SETD1A: variants seen among roughly 807,000 people sequenced by gnomAD.
The protein encoded by SETD1A is histone-lysine N-methyltransferase SETD1A.
Under a neutral mutation model 149.9 loss-of-function variants are expected in SETD1A, and 29 were observed. The observed-to-expected ratio is 0.19, with a 90% CI of 0.14 to 0.26. SETD1A has a LOEUF of 0.26. SETD1A is among the 10% of genes least tolerant of loss of function. SETD1A has a pLI of 1.00. For synonymous variants in SETD1A, 1,141 were observed against 968.5 expected, an observed-to-expected ratio of 1.18 and a Z score of -3.31; for missense variants, 2,109 against 2,353.1, an observed-to-expected ratio of 0.90 and a Z score of 2.15.
chr16:30,977,223 C>T (rs1177490675), intron 13 of SETD1A, among the ~76,000 whole-genome samples: 9 of 152,198 alleles, frequency 5.9e-5, no homozygotes, highest in African/African-American at 1.7e-4. Context: ...GGATTACAGG[C>T]GTGAGCCCCC....
Position 30,983,663 on chromosome 16 carries a change from A to C in SETD1A, c.4841A>C (p.Tyr1614Ser). 6.2e-7 allele frequency: 1 copy of C among 1,613,736 alleles called. No homozygotes were observed. The highest frequency in any genetic ancestry group is 8.5e-7 in the Non-Finnish European group (1 of 1,179,952). The stretch of plus-strand genomic sequence containing the variant: ...GTGGCCGACATGCGGGAGAAGCGCT[A>C]CGTGCAGGAGGGCATTGGCAGCAGC... ...QMVADMREKR[Y>S]VQEGIGSSYL... Residue 1614 changes from tyrosine to serine, a missense_variant, in exon 18 of 19, where the codon TAC (tyrosine) becomes TCC (serine). Physicochemically the swap from Tyr to Ser is moderately radical, Grantham distance 144. Coordinates refer to ENST00000262519, the MANE Select transcript of SETD1A (RefSeq NM_014712.3). The surrounding 1 kb of genome is among the most constrained non-coding windows in gnomAD (Gnocchi z 6.8).
In SETD1A at chr16:30,979,726, G is replaced by A; in HGVS notation, c.3940G>A (p.Ala1314Thr). Residue 1314 changes from alanine (A) to threonine (T), a missense_variant, in exon 14 of 19, where the codon GCC becomes ACC. Ala to Thr is a moderately conservative substitution (Grantham distance 58, BLOSUM62 0). This residue lies in a region of SETD1A where 832 missense variants were observed against 815.6 expected (regional missense o/e 1.02). Coordinates refer to ENST00000262519, the MANE Select transcript of SETD1A (RefSeq NM_014712.3). The stretch of plus-strand genomic sequence containing the variant: ...CGTCAAGCCCACGCCCCCTGCGCCA[G>A]CCCTGCGGCCCCCGGAGCCAGTGCC... ...LAVKPTPPAP[A>T]LRPPEPVPAP... 6.2e-7 allele frequency: 1 copy of A among 1,600,032 alleles called. No individual in the cohort carries two copies. Among genetic ancestry groups the A allele is most frequent in the Non-Finnish European group, 8.5e-7 (1 of 1,178,552 alleles).
rs367681295 is a variant in SETD1A at position 30,964,717 on chromosome 16, G to A, written c.975G>A (p.Thr325=). 132 of 1,613,960 alleles carry A rather than the reference G, an allele frequency of 8.2e-5. No homozygotes were observed. The highest frequency in any genetic ancestry group is 1.1e-4 in the Non-Finnish European group (127 of 1,180,014). Residue 325 remains threonine, a synonymous_variant, in exon 7 of 19, where the codon ACG becomes ACA. Transcript: ENST00000262519. The part of the protein sequence containing the change: ...SASSASTTAS[T]AIAATTAATA... The stretch of plus-strand genomic sequence containing the variant: ...CTTCAGCCTCCACAACCGCCTCCAC[G>A]GCCATCGCCGCCACCACTGCAGCCA...
intron 17 of SETD1A, among the ~76,000 whole-genome samples, chr16:30,982,997 A>T (rs2056401232): frequency 6.6e-6 from 1 of 152,130 alleles, no homozygotes; most frequent in Non-Finnish European, 1.5e-5. Flanking sequence ...CATCTAGGGG[A>T]TGACGCCCAG....
chr16:30,963,375 G>C, intron 4 of SETD1A, 58 bp from the exon 5 acceptor site: 1 of 1,493,342 alleles, frequency 6.7e-7, no homozygotes, highest in Non-Finnish European at 9.0e-7. Flanking sequence ...AGGAATACCA[G>C]ATCAGGAAGG....
chr16:30,962,982 G>T (rs1474657417), intron 4 of SETD1A, among the ~76,000 whole-genome samples: 1 of 152,288 alleles, frequency 6.6e-6, no homozygotes. Context: ...TGTTTCTGAG[G>T]TGTTCACTCC....
Position 30,983,777 on chromosome 16 carries a change from G to A in SETD1A, c.4950+5G>A, listed in dbSNP as rs767522721. 2 of 1,613,738 alleles carry A rather than the reference G, an allele frequency of 1.2e-6. No homozygotes were observed. The highest frequency in any genetic ancestry group is 1.1e-5 in the South Asian group (1 of 91,066). Reference sequence around the variant, plus strand: ...TTCATCAACCACTGCTGCACGGTGCGCCAGGGGCCAGCCGGGGCAGGAGTT... The same window carrying A: ...TTCATCAACCACTGCTGCACGGTGCACCAGGGGCCAGCCGGGGCAGGAGTT... On this transcript the variant is annotated splice_donor_5th_base_variant and intron_variant, in intron 18 of 18. Transcript: ENST00000262519. This position sits in a 1 kb window ranked among gnomAD's most constrained non-coding sequence, Gnocchi z 6.8.
intron 13 of SETD1A, among the ~76,000 whole-genome samples, chr16:30,974,735 A>G (rs900486622): frequency 7.2e-5 from 11 of 152,282 alleles, no homozygotes; most frequent in African/African-American, 2.6e-4. Context: ...GGCCGGGCGC[A>G]GTGGCTCACA....
At position 30,959,144 on chromosome 16, in the gene SETD1A, G is replaced by T; in HGVS notation, c.204G>T (p.Arg68Ser). ...EDLQDPRCHVRSKNRDFSLPV... is the reference protein window; with the variant it reads ...EDLQDPRCHVSSKNRDFSLPV... Reference sequence around the variant, plus strand: ...TCCAAGACCCCCGTTGCCATGTCAGGTCCAAAAACAGAGACTTTTCCCTCC... The same window carrying T: ...TCCAAGACCCCCGTTGCCATGTCAGTTCCAAAAACAGAGACTTTTCCCTCC... The change falls in exon 3 of 19, where the codon AGG (arginine) becomes AGT (serine). Residue 68 changes from arginine to serine, a missense_variant. By Grantham distance (110) the Arg-to-Ser change is moderately radical. Coordinates refer to ENST00000262519, the MANE Select transcript of SETD1A (RefSeq NM_014712.3). The T allele has an allele frequency of 6.2e-7, 1 of 1,613,920 alleles. No individual in the cohort carries two copies. Among genetic ancestry groups the T allele is most frequent in the Non-Finnish European group, 8.5e-7 (1 of 1,179,816 alleles).
Position 30,979,435 on chromosome 16 carries a change from C to T in SETD1A, c.3649C>T (p.Leu1217=), listed in dbSNP as rs756125449. 6.2e-7 allele frequency: 1 copy of T among 1,608,572 alleles called. No homozygotes were observed. The highest frequency in any genetic ancestry group is 1.7e-5 in the Admixed American group (1 of 59,080). Residue 1217 remains leucine (L), a synonymous_variant, in exon 14 of 19, where the codon CTG becomes TTG. Coordinates refer to ENST00000262519, the MANE Select transcript of SETD1A (RefSeq NM_014712.3). ...IRNLPLDHAS[L]VKSWPEEVSR... is the part of the protein sequence containing the mutation. ...CAACCTGCCCCTGGACCACGCATCT[C>T]TGGTCAAGAGTTGGCCCGAGGAGGT...
In SETD1A at chr16:30,979,516, G is replaced by A. The variant is rs1224279071; in HGVS notation, c.3730G>A (p.Glu1244Lys). The change falls in exon 14 of 19, where the codon GAG (glutamate) becomes AAG (lysine). Residue 1244 changes from glutamate to lysine, a missense_variant. By Grantham distance (56) the Glu-to-Lys change is moderately conservative. Coordinates refer to ENST00000262519, the MANE Select transcript of SETD1A (RefSeq NM_014712.3). ...GGRGRLTEEE[E>K]AEPGTEVDLA... ...CCGAGGCCGCCTCACCGAGGAAGAGGAGGCTGAGCCAGGGACAGAGGTGGA... is the reference window on the plus strand; with the variant it reads ...CCGAGGCCGCCTCACCGAGGAAGAGAAGGCTGAGCCAGGGACAGAGGTGGA... 1.9e-6 allele frequency: 3 copies of A among 1,607,164 alleles called. No homozygotes were observed. Among genetic ancestry groups the A allele is most frequent in the South Asian group, 2.2e-5 (2 of 90,528 alleles).
chr16:30,960,919 T>G (rs973070362), intron 3 of SETD1A, among the ~76,000 whole-genome samples: 2 of 151,746 alleles, frequency 1.3e-5, no homozygotes, highest in Non-Finnish European at 2.9e-5. Context: ...TTTTTTGTAT[T>G]TTTAGTAGAG....
chr16:30,979,087 G>T, intron 13 of SETD1A, 58 bp from the exon 14 acceptor site: 1 of 1,476,612 alleles, frequency 6.8e-7, no homozygotes, highest in Non-Finnish European at 9.0e-7. Context: ...TGGGCGGCCA[G>T]GGTGGCTGAG....
chr16:30,968,275 C>T (rs2056175314), intron 10 of SETD1A, among the ~76,000 whole-genome samples: 2 of 151,882 alleles, frequency 1.3e-5, no homozygotes, highest in Admixed American at 1.3e-4. Context: ...TGGTGGTGTT[C>T]ACCTGTAATC....
At chr16:30,968,469 TAC>T (rs1316752085) in intron 10 of SETD1A, among the ~76,000 whole-genome samples, 1 of 149,498 alleles carries the variant, frequency 6.7e-6, no homozygotes, top group East Asian at 2.0e-4. Flanking sequence ...CACAAATATA[TAC>T]ACACACACAT....
In SETD1A at chr16:30,958,726, G is replaced by A. The variant is rs2056002822; in HGVS notation, c.-6G>A. Reference sequence around the variant, plus strand: ...CCTCTTCCCCTAACAGTGTAAATGAGCAAAGATGGATCAGGAAGGTGGGGG... The same window carrying A: ...CCTCTTCCCCTAACAGTGTAAATGAACAAAGATGGATCAGGAAGGTGGGGG... On this transcript the variant is annotated 5_prime_UTR_variant, in exon 2 of 19. Coordinates refer to ENST00000262519, the MANE Select transcript of SETD1A (RefSeq NM_014712.3). 1.2e-6 allele frequency: 2 copies of A among 1,613,984 alleles called. No homozygotes were observed. The highest frequency in any genetic ancestry group is 8.5e-7 in the Non-Finnish European group (1 of 1,179,966).
intron 13 of SETD1A, among the ~76,000 whole-genome samples, chr16:30,976,859 A>G (rs1430781656): frequency 6.6e-6 from 1 of 151,974 alleles, no homozygotes; most frequent in Non-Finnish European, 1.5e-5. Flanking sequence ...GTGTCTGGAT[A>G]GTGAGAGGGC....
intron 3 of SETD1A, among the ~76,000 whole-genome samples, chr16:30,959,580 G>A (rs530174711): frequency 6.6e-6 from 1 of 152,118 alleles, no homozygotes; most frequent in Non-Finnish European, 1.5e-5. Context: ...CTCATTTGGC[G>A]ATGTCATTTC....
Position 30,969,575 on chromosome 16 carries a change from T to C in SETD1A, c.2929-27T>C, listed in dbSNP as rs767068586. On this transcript the variant is annotated intron_variant, in intron 11 of 18. Transcript: ENST00000262519. ...GTAGGACCAGTTGTCCCCTTCCTGT[T>C]AGTCCTCATTTGTCTTTTTTCTTAA... The C allele has an allele frequency of 2.1e-5, 33 of 1,609,504 alleles. No individual in the cohort carries two copies. In the African/African-American group the frequency reaches 3.6e-4, roughly 18 times the overall value.
Sources: allele counts gnomAD v4.1 joint callset (sites outside exome capture counted in the v4.1 genomes callset), GRCh38; gene constraint gnomAD v4.1.1; regional missense constraint gnomAD v4.1.1; non-coding constraint Gnocchi (gnomAD v3.1); transcripts MANE v1.5; gene names NCBI Gene and HGNC (gene_info 2026-07-23, HGNC 2026-07-21).